GRID1: variants seen among roughly 807,000 people sequenced by gnomAD.
GRID1 encodes the protein glutamate ionotropic receptor delta type subunit 1.
In GRID1, 28 loss-of-function variants were observed where a neutral mutation model predicts 98.0. The observed-to-expected ratio is 0.29, with a 90% CI of 0.21 to 0.39. GRID1 has a LOEUF of 0.39. Ranked by LOEUF, GRID1 falls within the 10% of genes least tolerant of loss-of-function variation. The pLI, the probability that GRID1 is intolerant of heterozygous loss-of-function variation, is 1.00. For synonymous variants in GRID1, 553 were observed against 538.5 expected (o/e 1.03, Z -0.37); for missense variants, 1,111 against 1,340.5 (o/e 0.83, Z 2.67).
At chr10:86,279,112 A>G (rs2132066636) in intron 2 of GRID1, among the ~76,000 whole-genome samples, 1 of 152,278 alleles carries the variant, frequency 6.6e-6, no homozygotes, top group Middle Eastern at 3.4e-3. Flanking sequence ...GCTCTCATGA[A>G]TGTTATGAAT....
At chr10:85,609,213 G>A (rs1842706333) in intron 15 of GRID1, among the ~76,000 whole-genome samples, 1 of 152,164 alleles carries the variant, frequency 6.6e-6, no homozygotes. Context: ...ATTTCATCAG[G>A]GATAAGGATG....
At chr10:85,609,796 T>C (rs1441486959) in intron 15 of GRID1, among the ~76,000 whole-genome samples, 1 of 152,230 alleles carries the variant, frequency 6.6e-6, no homozygotes, top group Non-Finnish European at 1.5e-5. Context: ...CGTCTCCCAT[T>C]TGTGCAGTTC....
intron 5 of GRID1, among the ~76,000 whole-genome samples, chr10:85,870,226 C>G (rs1042640934): frequency 6.6e-6 from 1 of 152,222 alleles, no homozygotes; most frequent in Admixed American, 6.5e-5. Context: ...GCTGAGTCTT[C>G]CAACCTCCAT....
chr10:86,160,310 A>G (rs1015558727), intron 3 of GRID1, among the ~76,000 whole-genome samples: 3 of 152,068 alleles, frequency 2.0e-5, no homozygotes, highest in Non-Finnish European at 4.4e-5. Flanking sequence ...CATTTCAACC[A>G]TGTAGAATTC....
chr10:86,234,619 C>A (rs1002330870), intron 2 of GRID1, among the ~76,000 whole-genome samples: 4 of 152,164 alleles, frequency 2.6e-5, no homozygotes, highest in Non-Finnish European at 4.4e-5. Flanking sequence ...TGGCCCAAGC[C>A]CCCCCAGGTT....
intron 8 of GRID1, among the ~76,000 whole-genome samples, chr10:85,800,703 ATTAT>A (rs768612960): frequency 6.6e-6 from 1 of 152,186 alleles, no homozygotes; most frequent in Non-Finnish European, 1.5e-5. Context: ...AATTAACACA[ATTAT>A]TTATTTACTT....
intron 12 of GRID1, among the ~76,000 whole-genome samples, chr10:85,671,338 T>A (rs979016400): frequency 6.6e-6 from 1 of 152,238 alleles, no homozygotes; most frequent in Non-Finnish European, 1.5e-5. Context: ...CATGTCTCCA[T>A]CACATTTTGG....
chr10:86,306,260 C>T (rs1847757479), intron 2 of GRID1, among the ~76,000 whole-genome samples: 1 of 152,220 alleles, frequency 6.6e-6, no homozygotes, highest in African/African-American at 2.4e-5. Context: ...CCCCAGGCCC[C>T]AGTTGGTCCC....
intron 4 of GRID1, among the ~76,000 whole-genome samples, chr10:85,948,981 C>A (rs564574513): frequency 1.3e-5 from 2 of 152,040 alleles, no homozygotes; most frequent in East Asian, 3.9e-4. Context: ...ACACTTTAAG[C>A]CCACACAGGA....
At chr10:85,907,016 A>G (rs1344985464) in intron 5 of GRID1, among the ~76,000 whole-genome samples, 3 of 152,248 alleles carry the variant, frequency 2.0e-5, no homozygotes, top group Non-Finnish European at 4.4e-5. Context: ...AGTAATGAAT[A>G]TTATATATGA....
intron 4 of GRID1, among the ~76,000 whole-genome samples, chr10:86,074,592 T>C (rs573775573): frequency 6.6e-6 from 1 of 152,368 alleles, no homozygotes; most frequent in South Asian, 2.1e-4. Context: ...CATTATCCAT[T>C]CAGCCACTGA....
chr10:85,884,487 T>G (rs1453324285), intron 5 of GRID1, among the ~76,000 whole-genome samples: 1 of 152,208 alleles, frequency 6.6e-6, no homozygotes. Context: ...AAGAGAAGCA[T>G]GTGCACTCTC....
Position 86,029,114 on chromosome 10 carries a change from C to T in GRID1, c.726+109705G>A, listed in dbSNP as rs1158054195. Among the ~76,000 whole-genome samples, 5 of 152,184 alleles carry T rather than the reference C, an allele frequency of 3.3e-5. No homozygotes were observed. In the South Asian group the frequency reaches 8.3e-4, roughly 25 times the overall value. On this transcript the variant is annotated intron_variant, in intron 4 of 15. Transcript: ENST00000327946. ...ATCTCCAGCATAGTAGATCCAGCTGCCTCCTTCAAGCTTCTAATTGGATTT... is the reference window on the plus strand; with the variant it reads ...ATCTCCAGCATAGTAGATCCAGCTGTCTCCTTCAAGCTTCTAATTGGATTT...
chr10:86,361,376 A>C (rs1848598907), intron 2 of GRID1, among the ~76,000 whole-genome samples: 1 of 152,202 alleles, frequency 6.6e-6, no homozygotes, highest in African/African-American at 2.4e-5. Context: ...TCACCAGCAC[A>C]AACTCTCTGG....
At chr10:86,119,155 A>G (rs966627485) in intron 4 of GRID1, among the ~76,000 whole-genome samples, 4 of 152,080 alleles carry the variant, frequency 2.6e-5, no homozygotes, top group African/African-American at 9.7e-5. Context: ...GGCAACATGG[A>G]AAAACCCTGT....
At chr10:86,334,920 A>G (rs1013990331) in intron 2 of GRID1, among the ~76,000 whole-genome samples, 2 of 152,204 alleles carry the variant, frequency 1.3e-5, no homozygotes, top group Non-Finnish European at 2.9e-5. Context: ...GTCAAGTGGC[A>G]TGTCCTGCTA....
chr10:86,265,674 G>A (rs1847093553), intron 2 of GRID1, among the ~76,000 whole-genome samples: 2 of 152,198 alleles, frequency 1.3e-5, no homozygotes, highest in African/African-American at 4.8e-5. Context: ...TCAGGGGATG[G>A]TTTCTGCAAG....
chr10:86,001,877 C>T (rs1182853826), intron 4 of GRID1, among the ~76,000 whole-genome samples: 2 of 152,150 alleles, frequency 1.3e-5, no homozygotes, highest in African/African-American at 2.4e-5. Context: ...CCAGCAAGGC[C>T]GTGCTCCCTT....
At chr10:85,934,014 T>C (rs1484951806) in intron 4 of GRID1, among the ~76,000 whole-genome samples, 1 of 152,196 alleles carries the variant, frequency 6.6e-6, no homozygotes, top group African/African-American at 2.4e-5. Flanking sequence ...AGGTACCCTG[T>C]CCTCAGTGAG....
Sources: allele counts gnomAD v4.1 joint callset (sites outside exome capture counted in the v4.1 genomes callset), GRCh38; gene constraint gnomAD v4.1.1; transcripts MANE v1.5; gene names NCBI Gene and HGNC (gene_info 2026-07-23, HGNC 2026-07-21).